The following LRRC36 variants were observed in gnomAD, a reference collection of about 807,000 sequenced individuals.
The protein encoded by LRRC36 is leucine-rich repeat-containing protein 36.
LRRC36 carries 62 observed loss-of-function variants against 81.1 expected under a neutral mutation model. That is an observed-to-expected ratio of 0.76 (90% CI 0.62 to 0.94). The LOEUF is 0.94. Ranked by LOEUF, LRRC36 falls within the 40% of genes least tolerant of loss-of-function variation. The probability of loss-of-function intolerance (pLI) is 0.00; values close to 1 mark genes in which losing one functional copy is unlikely to be tolerated. For synonymous variants in LRRC36, 334 were observed against 348.6 expected, an observed-to-expected ratio of 0.96 and a Z score of 0.47; for missense variants, 761 against 881.7, an observed-to-expected ratio of 0.86 and a Z score of 1.73.
chr16:67,339,376 G>T (rs2037922377), intron 1 of LRRC36, among the ~76,000 whole-genome samples: 1 of 151,948 alleles, frequency 6.6e-6, no homozygotes, highest in Non-Finnish European at 1.5e-5. Context: ...AGGGGTTTAG[G>T]GACCATACTT....
intron 8 of LRRC36, among the ~76,000 whole-genome samples, chr16:67,368,641 T>C (rs1475732904): frequency 6.6e-6 from 1 of 151,986 alleles, no homozygotes; most frequent in Non-Finnish European, 1.5e-5. Flanking sequence ...AGTTGGAGAG[T>C]TTGTAGCAAG....
At chr16:67,370,865 C>T in intron 8 of LRRC36, 79 bp from the exon 9 acceptor site, 1 of 1,224,622 alleles carries the variant, frequency 8.2e-7, no homozygotes, top group Admixed American at 1.9e-5. Flanking sequence ...GACCCTTGGA[C>T]TACAGGCAAG....
In LRRC36 at chr16:67,381,802, A is replaced by G. The variant is rs572661706; in HGVS notation, c.1931-331A>G. On this transcript the variant is annotated intron_variant, in intron 12 of 13. Transcript: ENST00000329956. ...CCCAGCTAATTGTCGTATTTTTAGG[A>G]GAGACGGGGTTTCACCATCTTGGCC... 2.0e-5 allele frequency among the ~76,000 whole-genome samples: 3 copies of G among 152,228 alleles called. No individual in the cohort carries two copies. The South Asian group carries it at 6.2e-4, about 32-fold the overall frequency.
intron 5 of LRRC36, among the ~76,000 whole-genome samples, chr16:67,363,162 AT>A (rs1347920660): frequency 6.6e-6 from 1 of 152,188 alleles, no homozygotes; most frequent in Non-Finnish European, 1.5e-5. Context: ...CTGACTGCTG[AT>A]TAGTACCCTG....
chr16:67,371,517 G>A lies in LRRC36; in HGVS notation c.1494+275G>A, dbSNP rs2039641074. 6 of 462,522 alleles carry A rather than the reference G, an allele frequency of 1.3e-5. No individual in the cohort carries two copies. In the East Asian group the frequency reaches 2.5e-4, roughly 20 times the overall value. 28.7% of individuals were successfully genotyped at this position (462,522 alleles called of 1,614,324 possible). ...GAAGATTGAACTCTGTAGCATCTAT[G>A]TTTACAGTCTCATCATATTTACACA... On this transcript the variant is annotated intron_variant, in intron 9 of 13. Transcript: ENST00000329956.
At chr16:67,341,307 T>C (rs2038070670) in intron 1 of LRRC36, among the ~76,000 whole-genome samples, 2 of 146,608 alleles carry the variant, frequency 1.4e-5, no homozygotes, top group Admixed American at 6.9e-5. Context: ...CTATAGACTA[T>C]AGACTATAGA....
intron 11 of LRRC36, 59 bp from the exon 12 acceptor site, chr16:67,378,530 G>T: frequency 6.4e-7 from 1 of 1,561,296 alleles, no homozygotes; most frequent in Non-Finnish European, 8.8e-7. Context: ...GTGAGCCACG[G>T]CACCCAGCCT....
intron 12 of LRRC36, among the ~76,000 whole-genome samples, chr16:67,380,593 T>C (rs1032888086): frequency 1.2e-4 from 18 of 152,194 alleles, no homozygotes; most frequent in Non-Finnish European, 2.2e-4. Flanking sequence ...TTGTTAAATC[T>C]CAGCACTAAA....
chr16:67,350,768 G>A (rs1334438836), intron 5 of LRRC36, among the ~76,000 whole-genome samples: 1 of 152,242 alleles, frequency 6.6e-6, no homozygotes, highest in Non-Finnish European at 1.5e-5. Flanking sequence ...GCTGGGCACA[G>A]TGGCTCACGC....
chr16:67,339,069 A>AT (rs1269259778), intron 1 of LRRC36, among the ~76,000 whole-genome samples: 5 of 149,264 alleles, frequency 3.3e-5, no homozygotes, highest in African/African-American at 1.2e-4. Flanking sequence ...TAATTTTTGT[A>AT]TTTTTGGTAG....
chr16:67,329,562 T>G (rs564096255), intron 1 of LRRC36, among the ~76,000 whole-genome samples: 1 of 152,210 alleles, frequency 6.6e-6, no homozygotes, highest in African/African-American at 2.4e-5. Context: ...CAGTGATTTC[T>G]TGATATCATG....
chr16:67,345,818 A>G (rs983594248), intron 2 of LRRC36, among the ~76,000 whole-genome samples: 2 of 151,736 alleles, frequency 1.3e-5, no homozygotes, highest in Admixed American at 6.6e-5. Flanking sequence ...TTCCCCCAGA[A>G]CCAGCTTTTT....
chr16:67,366,089 A>T (rs1477241712), intron 7 of LRRC36, among the ~76,000 whole-genome samples: 1 of 151,852 alleles, frequency 6.6e-6, no homozygotes, highest in Non-Finnish European at 1.5e-5. Flanking sequence ...GGTATTTTAG[A>T]TGGGTGTAGA....
chr16:67,378,781 A>G lies in LRRC36; in HGVS notation c.1930+69A>G, dbSNP rs1304315061. On this transcript the variant is annotated intron_variant, in intron 12 of 13. Coordinates refer to ENST00000329956, the MANE Select transcript of LRRC36 (RefSeq NM_018296.6). Reference sequence around the variant, plus strand: ...CTGTTTGTTTATAGATGACCCATTTAGTAACCTTCATCATGCTAGCTCACG... The same window carrying G: ...CTGTTTGTTTATAGATGACCCATTTGGTAACCTTCATCATGCTAGCTCACG... 5 of 1,549,382 alleles carry G rather than the reference A, an allele frequency of 3.2e-6. No homozygotes were observed. The African/African-American group carries it at 5.5e-5, about 17-fold the overall frequency.
chr16:67,366,690 C>T (rs894537175), intron 7 of LRRC36, among the ~76,000 whole-genome samples: 1 of 151,654 alleles, frequency 6.6e-6, no homozygotes, highest in Non-Finnish European at 1.5e-5. Context: ...GCGAAGGTTG[C>T]ACTGAGCTGA....
At chr16:67,336,739 C>T (rs916884211) in intron 1 of LRRC36, 4 of 151,312 alleles carry the variant, frequency 2.6e-5, no homozygotes, top group African/African-American at 9.8e-5. Flanking sequence ...AGGTATGTGC[C>T]ACTGCATCCA....
intron 9 of LRRC36, among the ~76,000 whole-genome samples, chr16:67,374,073 G>A (rs963123925): frequency 1.3e-5 from 2 of 152,032 alleles, no homozygotes; most frequent in South Asian, 4.1e-4. Flanking sequence ...GTGCACACCT[G>A]TAGTTCCAGC....
In LRRC36 at chr16:67,340,903, C is replaced by CTCTATAGAATATATACTACATATAT. The variant is rs2038014442; in HGVS notation, c.71-1041_71-1040insTACTACATATATTCTATAGAATATA. Among the ~76,000 whole-genome samples the CTCTATAGAATATATACTACATATAT allele has an allele frequency of 3.7e-5, 4 of 108,188 alleles. No homozygotes were observed. In the East Asian group the frequency reaches 8.5e-4, roughly 23 times the overall value. The allele number at this position is 108,188 out of a possible 152,430, so 71.0% of individuals were successfully genotyped here. A position where few individuals can be genotyped will look rare whatever the true frequency, so the allele number is the denominator to read the frequency against. On this transcript the variant is annotated intron_variant, in intron 1 of 13. Transcript: ENST00000329956. ...CTCTATAGAATATATACTACATATA[C>CTCTATAGAATATATACTACATATAT]TCTATAGAATATAGAATATGTACTA...
chr16:67,364,435 A>C (rs2039295033), intron 6 of LRRC36, among the ~76,000 whole-genome samples: 1 of 152,258 alleles, frequency 6.6e-6, no homozygotes, highest in African/African-American at 2.4e-5. Context: ...AAAGAAAAGC[A>C]GCAAAGGCTC....
Sources: allele counts gnomAD v4.1 joint callset (sites outside exome capture counted in the v4.1 genomes callset), GRCh38; gene constraint gnomAD v4.1.1; transcripts MANE v1.5; gene names NCBI Gene and HGNC (gene_info 2026-07-23, HGNC 2026-07-21).